Variants in CATSPERZ observed in about 807,000 individuals in gnomAD.
CATSPERZ encodes cation channel sperm-associated auxiliary subunit zeta.
Under a neutral mutation model 21.7 loss-of-function variants are expected in CATSPERZ, and 21 were observed. That is an observed-to-expected ratio of 0.97 (90% CI 0.69 to 1.39). The LOEUF (loss-of-function observed/expected upper bound fraction) is 1.39, where lower values mean the gene tolerates loss of function less well. CATSPERZ is among the 40% of genes most tolerant of loss of function. The pLI is 0.00. For synonymous variants in CATSPERZ, 127 were observed against 108.7 expected (o/e 1.17, Z -1.05); for missense variants, 234 against 259.5 (o/e 0.90, Z 0.68).
Position 64,300,741 on chromosome 11 carries a change from C to G in CATSPERZ, c.106C>G (p.Leu36Val). 1 of 1,551,962 alleles carries G rather than the reference C, an allele frequency of 6.4e-7. No individual in the cohort carries two copies. ...DTRDLWTTTT[L>V]SQAQLNMPLS... ...TCGGGACCTGTGGACCACGACCACG[C>G]TGTCCCAGGCACAGCTGAACATGCC... The change falls in exon 2 of 5, where the codon CTG becomes GTG. Residue 36 changes from leucine (L) to valine (V), a missense_variant. Physicochemically the swap from Leu to Val is conservative, Grantham distance 32 (BLOSUM62 1). Transcript: ENST00000328404.
At position 64,300,693 on chromosome 11, in the gene CATSPERZ, G is replaced by A. The variant is rs1232892892; in HGVS notation, c.58G>A (p.Glu20Lys). The A allele has an allele frequency of 3.2e-6, 5 of 1,545,924 alleles. No individual in the cohort carries two copies. Among genetic ancestry groups the A allele is most frequent in the East Asian group, 2.4e-5 (1 of 40,848 alleles). Residue 20 changes from glutamate to lysine, a missense_variant, in exon 2 of 5, where the codon GAG (glutamate) becomes AAG (lysine). By Grantham distance (56) the Glu-to-Lys change is moderately conservative. Transcript: ENST00000328404. ...LKSSDRQGSD[E>K]ESVHSDTRDL... Reference sequence around the variant, plus strand: ...GTCTTCCGACCGCCAAGGCTCGGACGAGGAGAGCGTGCATAGCGACACTCG... The same window carrying A: ...GTCTTCCGACCGCCAAGGCTCGGACAAGGAGAGCGTGCATAGCGACACTCG...
chr11:64,303,724 G>C (rs370841141), intron 3 of CATSPERZ, 49 bp from the exon 4 acceptor site: 2 of 1,553,150 alleles, frequency 1.3e-6, no homozygotes, highest in Admixed American at 1.9e-5. Flanking sequence ...TTTCAGCTGT[G>C]GGCAGAGATG....
At chr11:64,301,888 C>G (rs749674217) in intron 2 of CATSPERZ, among the ~76,000 whole-genome samples, 3 of 152,140 alleles carry the variant, frequency 2.0e-5, no homozygotes, top group Non-Finnish European at 2.9e-5. Flanking sequence ...CCCAGCTGGT[C>G]TCAAACTCCT....
At chr11:64,302,552 T>C (rs2034943661) in intron 2 of CATSPERZ, among the ~76,000 whole-genome samples, 1 of 152,108 alleles carries the variant, frequency 6.6e-6, no homozygotes, top group Non-Finnish European at 1.5e-5. Flanking sequence ...AGTGCTGGGA[T>C]TACAGGCGTG....
At position 64,304,753 on chromosome 11, in the gene CATSPERZ, A is replaced by G; in HGVS notation, c.*107A>G. On this transcript the variant is annotated 3_prime_UTR_variant, in exon 5 of 5. Coordinates refer to ENST00000328404, the MANE Select transcript of CATSPERZ (RefSeq NM_001039496.2). ...AGTGGAATTTGAGTCCTAAAGAAAT[A>G]AAAGAGTCGATGCATGGTCCGTGAG... 1 of 930,324 alleles carries G rather than the reference A, an allele frequency of 1.1e-6. No homozygotes were observed. The highest frequency in any genetic ancestry group is 1.6e-6 in the Non-Finnish European group (1 of 619,962). 57.6% of individuals were successfully genotyped at this position (930,324 alleles called of 1,614,324 possible). A position where few individuals can be genotyped will look rare whatever the true frequency, so the allele number is the denominator to read the frequency against.
chr11:64,301,258 G>A (rs1190213362), intron 2 of CATSPERZ, among the ~76,000 whole-genome samples: 1 of 152,240 alleles, frequency 6.6e-6, no homozygotes, highest in Non-Finnish European at 1.5e-5. Flanking sequence ...AGACCCCGTG[G>A]TAGGACCTGC....
intron 2 of CATSPERZ, among the ~76,000 whole-genome samples, chr11:64,301,194 T>C (rs2034919436): frequency 6.6e-6 from 1 of 152,240 alleles, no homozygotes; most frequent in Non-Finnish European, 1.5e-5. Flanking sequence ...GTAACAGGCC[T>C]TTCGGTCGTG....
At position 64,302,658 on chromosome 11, in the gene CATSPERZ, C is replaced by T. The variant is rs186571394; in HGVS notation, c.353-824C>T. ...TGCGATCTTGGCTCACTGCAACTTC[C>T]GCCTCCCCGGTTCAAGCAATTCTCC... On this transcript the variant is annotated intron_variant, in intron 2 of 4. Coordinates refer to ENST00000328404, the MANE Select transcript of CATSPERZ (RefSeq NM_001039496.2). Among the ~76,000 whole-genome samples, 1,001 of 151,956 alleles carry T rather than the reference C, an allele frequency of 6.6e-3. 7 individuals are homozygous for T. The highest frequency in any genetic ancestry group is 0.023 in the African/African-American group (967 of 41,408).
intron 2 of CATSPERZ, among the ~76,000 whole-genome samples, chr11:64,302,738 A>G (rs2034947079): frequency 6.6e-6 from 1 of 150,824 alleles, no homozygotes; most frequent in African/African-American, 2.4e-5. Flanking sequence ...ATGCCTGGCT[A>G]ATTTTTGTAT....
chr11:64,300,472 C>T, intron 1 of CATSPERZ, 41 bp downstream of exon 1: 1 of 1,564,166 alleles, frequency 6.4e-7, no homozygotes, highest in Admixed American at 1.7e-5. Context: ...TCCGCTCCAA[C>T]CCACCCTTGG....
chr11:64,303,102 T>A (rs1565372451), intron 2 of CATSPERZ, among the ~76,000 whole-genome samples: 1 of 151,868 alleles, frequency 6.6e-6, no homozygotes, highest in Non-Finnish European at 1.5e-5. Context: ...GGTTTCACCA[T>A]GTTGGCCAGG....
At position 64,303,795 on chromosome 11, in the gene CATSPERZ, T is replaced by A; in HGVS notation, c.455T>A (p.Leu152His). 6.9e-6 allele frequency: 11 copies of A among 1,601,256 alleles called. No homozygotes were observed. The highest frequency in any genetic ancestry group is 9.4e-6 in the Non-Finnish European group (11 of 1,174,110). Residue 152 changes from leucine to histidine, a missense_variant, in exon 4 of 5, where the codon CTC becomes CAC. By Grantham distance (99) the Leu-to-His change is moderately conservative. Coordinates refer to ENST00000328404, the MANE Select transcript of CATSPERZ (RefSeq NM_001039496.2). ...QSRLPLPLME[L>H]MENEALEILT... ...CAGCTGCCACTGCCCCTGATGGAACTCATGGAGAATGAAGCTCTGGAAATC... is the reference window on the plus strand; with the variant it reads ...CAGCTGCCACTGCCCCTGATGGAACACATGGAGAATGAAGCTCTGGAAATC...
At position 64,301,088 on chromosome 11, in the gene CATSPERZ, A is replaced by G. The variant is rs891409833; in HGVS notation, c.352+101A>G. 5 of 1,167,212 alleles carry G rather than the reference A, an allele frequency of 4.3e-6. No homozygotes were observed. The African/African-American group carries it at 7.8e-5, about 18-fold the overall frequency. The allele number at this position is 1,167,212 out of a possible 1,614,324, so 72.3% of individuals were successfully genotyped here. A position where few individuals can be genotyped will look rare whatever the true frequency, so the allele number is the denominator to read the frequency against. ...AAATGGGGGGAAGCTGATGGGATCCAAGTTTCTAGGATTCTCTGGGAGAGG... is the reference window on the plus strand; with the variant it reads ...AAATGGGGGGAAGCTGATGGGATCCGAGTTTCTAGGATTCTCTGGGAGAGG... On this transcript the variant is annotated intron_variant, in intron 2 of 4. Transcript: ENST00000328404.
At chr11:64,300,530 G>C in intron 1 of CATSPERZ, 99 bp downstream of exon 1, 1 of 1,519,818 alleles carries the variant, frequency 6.6e-7, no homozygotes, top group Non-Finnish European at 8.9e-7. Flanking sequence ...TTGGCTGCCC[G>C]CAGCCCCCAC....
At position 64,304,540 on chromosome 11, in the gene CATSPERZ, T is replaced by G. The variant is rs553420226; in HGVS notation, c.500-3T>G. On this transcript the variant is annotated splice_polypyrimidine_tract_variant and splice_region_variant and intron_variant, in intron 4 of 4. Coordinates refer to ENST00000328404, the MANE Select transcript of CATSPERZ (RefSeq NM_001039496.2). ...CCTGAGCCGAGCTCTGCCCTCCTCC[T>G]AGGCTACCAGTTAGGGATCGGCAGG... 57 of 1,577,886 alleles carry G rather than the reference T, an allele frequency of 3.6e-5. 1 individual carries two copies. The highest frequency in any genetic ancestry group is 4.6e-5 in the Non-Finnish European group (53 of 1,162,798).
At chr11:64,301,821 G>A (rs1406676579) in intron 2 of CATSPERZ, among the ~76,000 whole-genome samples, 2 of 151,986 alleles carry the variant, frequency 1.3e-5, no homozygotes, top group Non-Finnish European at 2.9e-5. Context: ...GGACAGGCCG[G>A]CACCATCCTG....
At chr11:64,300,528 C>T in intron 1 of CATSPERZ, 97 bp downstream of exon 1, 1 of 1,540,530 alleles carries the variant, frequency 6.5e-7, no homozygotes, top group Non-Finnish European at 8.8e-7. Flanking sequence ...CCTTGGCTGC[C>T]CGCAGCCCCC....
intron 2 of CATSPERZ, among the ~76,000 whole-genome samples, 199 bp from the exon 3 acceptor site, chr11:64,303,283 T>TGG (rs931018916): frequency 4.0e-5 from 6 of 151,632 alleles, no homozygotes; most frequent in African/African-American, 1.4e-4. Flanking sequence ...TGTCACACTG[T>TGG]GGGGCAGTCA....
chr11:64,300,432 G>A lies in CATSPERZ; in HGVS notation c.21+1G>A. ...AACCATGGAGGAAAAGCCTTCGAAA[G>A]TAAGACGTCTCCCTAGGCCCCTTAC... On this transcript the variant is annotated splice_donor_variant, in intron 1 of 4. Coordinates refer to ENST00000328404, the MANE Select transcript of CATSPERZ (RefSeq NM_001039496.2). LOFTEE classifies it high-confidence loss of function. The A allele has an allele frequency of 6.7e-7, 1 of 1,496,450 alleles. No homozygotes were observed. Among genetic ancestry groups the A allele is most frequent in the Admixed American group, 1.8e-5 (1 of 56,198 alleles). The allele number at this position is 1,496,450 out of a possible 1,614,324, so 92.7% of individuals were successfully genotyped here.
Sources: gnomAD v4.1 joint callset for allele counts (sites outside exome capture counted in the v4.1 genomes callset) on GRCh38, gnomAD v4.1.1 for gene constraint, MANE v1.5 for transcripts, NCBI Gene and HGNC (gene_info 2026-07-23, HGNC 2026-07-21) for gene names.